Variants in NPHP4 observed in about 807,000 individuals in gnomAD.
NPHP4 encodes the protein nephrocystin-4.
A neutral mutation model predicts 155.8 loss-of-function variants in NPHP4; 151 were observed. The ratio of observed to expected loss-of-function variants is 0.97; its 90% CI spans 0.85 to 1.11. NPHP4 has a LOEUF of 1.11. NPHP4 is among the 50% of genes least tolerant of loss of function. The pLI is 0.00. For synonymous variants in NPHP4, 845 were observed against 816.8 expected, an observed-to-expected ratio of 1.03 and a Z score of -0.59; for missense variants, 1,956 against 1,925.7, an observed-to-expected ratio of 1.02 and a Z score of -0.29.
In NPHP4 at chr1:5,868,879, C is replaced by T. The variant is rs1641613215; in HGVS notation, c.3316-983G>A. 2.1e-5 allele frequency among the ~76,000 whole-genome samples: 3 copies of T among 146,256 alleles called. No homozygotes were observed. The South Asian group carries it at 6.6e-4, about 32-fold the overall frequency. The stretch of plus-strand genomic sequence containing the variant: ...ACACATACATGCACACATGCCCCCA[C>T]ACGCACACATATGCACGCCCACATG... On this transcript the variant is annotated intron_variant, in intron 23 of 29. Coordinates refer to ENST00000378156, the MANE Select transcript of NPHP4 (RefSeq NM_015102.5).
At chr1:5,986,722 T>C (rs1655543610) in intron 1 of NPHP4, among the ~76,000 whole-genome samples, 1 of 151,924 alleles carries the variant, frequency 6.6e-6, no homozygotes, top group Non-Finnish European at 1.5e-5. Context: ...AATGGAGAAA[T>C]AAAATCTACC....
At chr1:5,865,318 G>A (rs1187846855) in intron 26 of NPHP4, 45 bp from the exon 27 acceptor site, 3 of 1,466,372 alleles carry the variant, frequency 2.0e-6, no homozygotes, top group Non-Finnish European at 9.1e-7. Flanking sequence ...GGAGGACTCA[G>A]CACCGGCCCA....
At chr1:5,950,018 C>T (rs1213272713) in intron 7 of NPHP4, among the ~76,000 whole-genome samples, 3 of 152,148 alleles carry the variant, frequency 2.0e-5, no homozygotes, top group Non-Finnish European at 4.4e-5. Context: ...ATTTATGTGG[C>T]CTCTCCTGTG....
chr1:5,937,717 T>A (rs1167401977), intron 9 of NPHP4, among the ~76,000 whole-genome samples: 1 of 152,224 alleles, frequency 6.6e-6, no homozygotes, highest in African/African-American at 2.4e-5. Flanking sequence ...GCCACCTCGA[T>A]GGAGGTGACA....
chr1:5,953,017 T>G lies in NPHP4; in HGVS notation c.674-181A>C, dbSNP rs537675519. On this transcript the variant is annotated intron_variant, in intron 6 of 29. Transcript: ENST00000378156. Reference sequence around the variant, plus strand: ...CCACAACAATTAAGCAAATACAGATTTCATTGGCAGTCCAAAATCTACCCC... The same window carrying G: ...CCACAACAATTAAGCAAATACAGATGTCATTGGCAGTCCAAAATCTACCCC... Among the ~76,000 whole-genome samples the G allele has an allele frequency of 3.3e-5, 5 of 152,210 alleles. No individual in the cohort carries two copies. In the South Asian group the frequency reaches 1.0e-3, roughly 32 times the overall value.
At chr1:5,971,034 C>T (rs1273562614) in intron 3 of NPHP4, among the ~76,000 whole-genome samples, 1 of 152,194 alleles carries the variant, frequency 6.6e-6, no homozygotes, top group African/African-American at 2.4e-5. Flanking sequence ...TCTATTTATA[C>T]CTGTGCTTAT....
Position 5,975,263 on chromosome 1 carries a change from T to C in NPHP4, c.279+3007A>G, listed in dbSNP as rs555428387. 2.6e-5 allele frequency among the ~76,000 whole-genome samples: 4 copies of C among 152,172 alleles called. No individual in the cohort carries two copies. The South Asian group carries it at 8.3e-4, about 32-fold the overall frequency. On this transcript the variant is annotated intron_variant, in intron 3 of 29. Coordinates refer to ENST00000378156, the MANE Select transcript of NPHP4 (RefSeq NM_015102.5). ...GCTGGAACAAAACCTTTGCTCTGTA[T>C]GAGAATGCCAAGCACATGGAGGAAA...
chr1:5,868,035 C>T (rs1188672249), intron 23 of NPHP4, 139 bp from the exon 24 acceptor site: 1 of 937,772 alleles, frequency 1.1e-6, no homozygotes, highest in Non-Finnish European at 1.7e-6. Flanking sequence ...GAAGGTCGGG[C>T]ATCGTCAAAG....
intron 3 of NPHP4, among the ~76,000 whole-genome samples, chr1:5,971,429 T>A (rs1383055387): frequency 6.6e-6 from 1 of 152,210 alleles, no homozygotes; most frequent in African/African-American, 2.4e-5. Flanking sequence ...ATATGTTCTT[T>A]TCCAAAAATC....
intron 16 of NPHP4, among the ~76,000 whole-genome samples, chr1:5,900,028 C>T (rs1157299560): frequency 6.6e-6 from 1 of 152,196 alleles, no homozygotes; most frequent in Non-Finnish European, 1.5e-5. Flanking sequence ...GCACTGCCTG[C>T]TAGAGCGGCT....
Position 5,961,933 on chromosome 1 carries a change from G to T in NPHP4, c.534C>A (p.Thr178=), listed in dbSNP as rs1227533123. 2 of 1,598,384 alleles carry T rather than the reference G, an allele frequency of 1.3e-6. No individual in the cohort carries two copies. The highest frequency in any genetic ancestry group is 2.7e-5 in the African/African-American group (2 of 74,780). ...ACTGCAGGCTGCAGTTCTCAATGAG[G>T]GTCATGTGTCTGTTTTCTGGTGAAG... The part of the protein sequence containing the change: ...QDPAEQNRHM[T]LIENCSLQYT... Residue 178 remains threonine (T), a synonymous_variant, in exon 6 of 30, where the codon ACC becomes ACA. Transcript: ENST00000378156.
At chr1:5,973,826 C>A (rs1427504440) in intron 3 of NPHP4, among the ~76,000 whole-genome samples, 1 of 152,244 alleles carries the variant, frequency 6.6e-6, no homozygotes, top group Non-Finnish European at 1.5e-5. Context: ...TCAGCCCTCC[C>A]CAGCTGCAAA....
At position 5,867,814 on chromosome 1, in the gene NPHP4, A is replaced by G. The variant is rs2100468384; in HGVS notation, c.3398T>C (p.Val1133Ala). ...VELQPHVVDQ[V>A]FRFYHPELSF... ...GAGCTCCGGGTGATAGAAGCGGAAG[A>G]CCTGGTCCACCACGTGGGGCTGCAG... The change falls in exon 24 of 30, where the codon GTC (valine) becomes GCC (alanine). Residue 1133 changes from valine to alanine, a missense_variant. By Grantham distance (64) the Val-to-Ala change is moderately conservative. Transcript: ENST00000378156. This position sits in a 1 kb window ranked among gnomAD's most constrained non-coding sequence, Gnocchi z 4.1. The G allele has an allele frequency of 6.2e-7, 1 of 1,613,502 alleles. No homozygotes were observed. Among genetic ancestry groups the G allele is most frequent in the Non-Finnish European group, 8.5e-7 (1 of 1,179,874 alleles).
At chr1:5,964,530 T>C (rs1003420546) in intron 5 of NPHP4, among the ~76,000 whole-genome samples, 19 of 152,186 alleles carry the variant, frequency 1.2e-4, no homozygotes, top group Admixed American at 3.9e-4. Flanking sequence ...GTACAAGCCA[T>C]GCCTGGAGAA....
At chr1:5,933,664 T>A (rs748085902) in intron 9 of NPHP4, among the ~76,000 whole-genome samples, 8 of 152,176 alleles carry the variant, frequency 5.3e-5, no homozygotes, top group Non-Finnish European at 1.2e-4. Flanking sequence ...CCCATAAGGA[T>A]CTTTCCATAG....
intron 19 of NPHP4, 178 bp from the exon 20 acceptor site, chr1:5,877,476 T>C (rs1642738833): frequency 9.0e-6 from 4 of 445,198 alleles, no homozygotes; most frequent in Non-Finnish European, 1.6e-5. Flanking sequence ...GATAACTTTA[T>C]ACCCTGGTTT....
intron 11 of NPHP4, among the ~76,000 whole-genome samples, chr1:5,911,889 C>T (rs974467308): frequency 7.2e-5 from 11 of 152,218 alleles, no homozygotes; most frequent in Admixed American, 1.3e-4. Context: ...AGGGAGCACC[C>T]GCTGTACTCC....
intron 3 of NPHP4, among the ~76,000 whole-genome samples, chr1:5,976,385 G>A (rs531206237): frequency 3.9e-5 from 6 of 152,298 alleles, no homozygotes; most frequent in South Asian, 4.1e-4. Flanking sequence ...ACCACCCGCC[G>A]CATGGCTGTC....
intron 16 of NPHP4, among the ~76,000 whole-genome samples, chr1:5,893,922 T>G (rs528047681): frequency 6.6e-6 from 1 of 152,216 alleles, no homozygotes; most frequent in Non-Finnish European, 1.5e-5. Context: ...TCTGGTCACT[T>G]CTCACTGTGT....
Sources: allele counts gnomAD v4.1 joint callset (sites outside exome capture counted in the v4.1 genomes callset), GRCh38; gene constraint gnomAD v4.1.1; non-coding constraint Gnocchi (gnomAD v3.1); transcripts MANE v1.5; gene names NCBI Gene and HGNC (gene_info 2026-07-23, HGNC 2026-07-21).